The following STK4 variants were observed in gnomAD, a reference collection of about 807,000 sequenced individuals.
The protein encoded by STK4 is serine/threonine kinase 4, also known as serine/threonine-protein kinase 4.
STK4 carries 30 observed loss-of-function variants against 64.9 expected under a neutral mutation model. The ratio of observed to expected loss-of-function variants is 0.46; its 90% CI spans 0.35 to 0.63. The LOEUF (loss-of-function observed/expected upper bound fraction) is 0.63, where lower values mean the gene tolerates loss of function less well. STK4 is among the 20% of genes least tolerant of loss of function. The pLI is 0.01. For missense variants in STK4, 466 were observed against 598.5 expected, an observed-to-expected ratio of 0.78 and a Z score of 2.31; for synonymous variants, 177 against 199.0, an observed-to-expected ratio of 0.89 and a Z score of 0.93.
At chr20:45,054,788 G>A (rs1300327496) in intron 10 of STK4, among the ~76,000 whole-genome samples, 3 of 152,058 alleles carry the variant, frequency 2.0e-5, no homozygotes, top group Non-Finnish European at 2.9e-5. Flanking sequence ...AATACTTAAT[G>A]TATGGCTGCT....
chr20:45,057,718 G>A (rs1978609818), intron 10 of STK4, among the ~76,000 whole-genome samples: 2 of 152,138 alleles, frequency 1.3e-5, no homozygotes, highest in Non-Finnish European at 2.9e-5. Context: ...GAGAAGCTAA[G>A]TGTTTTTAAC....
intron 10 of STK4, among the ~76,000 whole-genome samples, chr20:45,041,934 A>C (rs534600981): frequency 6.6e-6 from 1 of 152,182 alleles, no homozygotes; most frequent in Non-Finnish European, 1.5e-5. Flanking sequence ...TGAAGTTTTT[A>C]AAGTTTGAAT....
intron 5 of STK4, among the ~76,000 whole-genome samples, chr20:44,991,739 T>G (rs766432262): frequency 7.0e-4 from 107 of 152,270 alleles, no homozygotes; most frequent in Non-Finnish European, 1.3e-3. Context: ...CACGGCTCAC[T>G]GCAGCCTCAA....
In STK4 at chr20:45,077,296, A is replaced by T. The variant is rs1248469024; in HGVS notation, c.*2120A>T. The T allele has an allele frequency of 6.6e-6, 1 of 152,258 alleles. No homozygotes were observed. The highest frequency in any genetic ancestry group is 2.4e-5 in the African/African-American group (1 of 41,460). The allele number at this position is 152,258 out of a possible 1,614,324, so 9.4% of individuals were successfully genotyped here. ...AGGTTGGAAAGACAGCTGAATTAGT[A>T]GTTAAGTCTGATAGCCAAGTAAGTT... On this transcript the variant is annotated 3_prime_UTR_variant, in exon 11 of 11. Transcript: ENST00000372806.
intron 9 of STK4, among the ~76,000 whole-genome samples, chr20:45,011,730 T>TATATATATATATATATATGTATATA (rs1555813605): frequency 1.2e-5 from 1 of 83,636 alleles, no homozygotes; most frequent in Non-Finnish European, 2.3e-5. Flanking sequence ...TATATATATA[T>TATATATATATATATATATGTATATA]TTTTTTTTTT....
intron 9 of STK4, among the ~76,000 whole-genome samples, chr20:45,020,885 C>T (rs140088252): frequency 6.6e-5 from 10 of 151,812 alleles, no homozygotes; most frequent in African/African-American, 2.4e-4. Context: ...GATCATAGCT[C>T]ACTGCAGCCT....
Position 45,078,495 on chromosome 20 carries a change from T to G in STK4, c.*3319T>G, listed in dbSNP as rs1470818685. On this transcript the variant is annotated 3_prime_UTR_variant, in exon 11 of 11. Coordinates refer to ENST00000372806, the MANE Select transcript of STK4 (RefSeq NM_006282.5). Reference sequence around the variant, plus strand: ...GCTGGGATTACAGGCGTGAGCCACCTTGCCTGGCCAAAAATCTCAGAATTC... The same window carrying G: ...GCTGGGATTACAGGCGTGAGCCACCGTGCCTGGCCAAAAATCTCAGAATTC... 1 of 152,066 alleles carries G rather than the reference T, an allele frequency of 6.6e-6. No individual in the cohort carries two copies. The highest frequency in any genetic ancestry group is 1.5e-5 in the Non-Finnish European group (1 of 68,022). The allele number at this position is 152,066 out of a possible 1,614,324, so 9.4% of individuals were successfully genotyped here. A position where few individuals can be genotyped will look rare whatever the true frequency, so the allele number is the denominator to read the frequency against.
intron 10 of STK4, among the ~76,000 whole-genome samples, chr20:45,069,531 T>G (rs2267862): frequency 0.43 from 65,339 of 152,106 alleles, 14,760 homozygotes; most frequent in Middle Eastern, 0.54. Context: ...TTATCAGACA[T>G]TACAAAACAC....
chr20:45,045,915 TCCTGCCTCAGCCTGCTGAGTAGCTGA>T (rs1426771989), intron 10 of STK4, among the ~76,000 whole-genome samples: 2 of 152,214 alleles, frequency 1.3e-5, no homozygotes, highest in African/African-American at 4.8e-5. Flanking sequence ...CAAATGATTC[TCCTGCCTCAGCCTGCTGAGTAGCTGA>T]CATTACAGGT....
At chr20:45,005,796 C>T (rs2067932253) in intron 9 of STK4, among the ~76,000 whole-genome samples, 1 of 151,728 alleles carries the variant, frequency 6.6e-6, no homozygotes, top group Non-Finnish European at 1.5e-5. Context: ...TTTTTCTTCT[C>T]CTTTCAGTAG....
chr20:44,972,167 A>G lies in STK4; in HGVS notation c.116+9A>G, dbSNP rs566033582. 5 of 1,612,346 alleles carry G rather than the reference A, an allele frequency of 3.1e-6. No homozygotes were observed. The South Asian group carries it at 4.4e-5, about 14-fold the overall frequency. ...GAGAAACTTGGAGAAGGGTGAGTGTAAAGAAACTATAGGTAGGTCATTGGG... is the reference window on the plus strand; with the variant it reads ...GAGAAACTTGGAGAAGGGTGAGTGTGAAGAAACTATAGGTAGGTCATTGGG... On this transcript the variant is annotated intron_variant, in intron 2 of 10. Coordinates refer to ENST00000372806, the MANE Select transcript of STK4 (RefSeq NM_006282.5).
At chr20:45,053,209 CCA>C in intron 10 of STK4, 2 of 1,566,846 alleles carry the variant, frequency 1.3e-6, no homozygotes, top group Non-Finnish European at 8.8e-7. Context: ...TGTCTCAGAA[CCA>C]CAGTAGCCTG....
At chr20:45,006,596 T>C (rs2067950278) in intron 9 of STK4, among the ~76,000 whole-genome samples, 2 of 152,220 alleles carry the variant, frequency 1.3e-5, no homozygotes, top group South Asian at 4.1e-4. Flanking sequence ...GTGAGAATTA[T>C]CTTGCTCGGA....
intron 10 of STK4, among the ~76,000 whole-genome samples, chr20:45,052,273 T>A (rs1431145788): frequency 8.9e-6 from 1 of 112,322 alleles, no homozygotes. Context: ...CTTACAACTC[T>A]TCCACCCCCC....
At position 44,978,424 on chromosome 20, in the gene STK4, T is replaced by A; in HGVS notation, c.117-19T>A. On this transcript the variant is annotated intron_variant, in intron 2 of 10. Coordinates refer to ENST00000372806, the MANE Select transcript of STK4 (RefSeq NM_006282.5). ...CTTGCTTTGACTTTATAAATGTTCT[T>A]CTTCTCCCAAATGTATAGGTCCTAT... is the stretch of plus-strand genomic sequence containing the variant. 6.3e-7 allele frequency: 1 copy of A among 1,599,662 alleles called. No homozygotes were observed. The highest frequency in any genetic ancestry group is 1.7e-4 in the Middle Eastern group (1 of 5,974).
At chr20:45,003,019 A>AT (rs1431494842) in intron 9 of STK4, among the ~76,000 whole-genome samples, 6 of 151,942 alleles carry the variant, frequency 3.9e-5, no homozygotes, top group Non-Finnish European at 8.8e-5. Context: ...TTAAGTTATT[A>AT]TTTTTTTAAC....
At chr20:44,967,083 C>A in intron 1 of STK4, 1 of 941,120 alleles carries the variant, frequency 1.1e-6, no homozygotes, top group Non-Finnish European at 1.3e-6. Context: ...AAAAGCTTTG[C>A]GCCTAAGGCT....
At chr20:45,002,967 A>T (rs1232935556) in intron 9 of STK4, among the ~76,000 whole-genome samples, 1 of 152,026 alleles carries the variant, frequency 6.6e-6, no homozygotes, top group African/African-American at 2.4e-5. Context: ...AGTAAATCTG[A>T]GTCATCATAC....
intron 9 of STK4, among the ~76,000 whole-genome samples, chr20:45,007,546 C>CAAAAAA (rs1390989727): frequency 1.2e-4 from 18 of 149,916 alleles, no homozygotes; most frequent in African/African-American, 4.5e-4. Flanking sequence ...GACTCCATCT[C>CAAAAAA]AAAAAACAAA....
Sources: gnomAD v4.1 joint callset for allele counts (sites outside exome capture counted in the v4.1 genomes callset) on GRCh38, gnomAD v4.1.1 for gene constraint, MANE v1.5 for transcripts, NCBI Gene and HGNC (gene_info 2026-07-23, HGNC 2026-07-21) for gene names.